SEC31A: variants seen among roughly 807,000 people sequenced by gnomAD.
SEC31A encodes protein transport protein Sec31A.
Under a neutral mutation model 151.0 loss-of-function variants are expected in SEC31A, and 70 were observed. That is an observed-to-expected ratio of 0.46 (90% CI 0.38 to 0.57). The LOEUF (loss-of-function observed/expected upper bound fraction) is 0.57, where lower values mean the gene tolerates loss of function less well. Among genes scored for constraint, SEC31A ranks in the 20% least tolerant of loss-of-function variants. SEC31A has a pLI of 0.00. For missense variants in SEC31A, 1,330 were observed against 1,471.2 expected (o/e 0.90, Z 1.57); for synonymous variants, 475 against 505.9 (o/e 0.94, Z 0.82).
At chr4:82,871,366 A>C in intron 7 of SEC31A, 1 of 1,523,408 alleles carries the variant, frequency 6.6e-7, no homozygotes. Flanking sequence ...AAAATGTTTT[A>C]CCTATGGATG....
rs149546168 is a variant in SEC31A, at chr4:82,856,979, G to A, written c.1854C>T (p.Phe618=). Reference sequence around the variant, plus strand: ...TGGTAATTTTGCTTTGGGATTTTGCGAAGTATTTTTTCTGGGTTCGAGCCA... The same window carrying A: ...TGGTAATTTTGCTTTGGGATTTTGCAAAGTATTTTTTCTGGGTTCGAGCCA... ...ELLARTQKKY[F]AKSQSKITRL... is the part of the protein sequence containing the mutation. The change falls in exon 16 of 27, where the codon TTC becomes TTT. Residue 618 remains phenylalanine, a synonymous_variant. Coordinates refer to ENST00000395310, the MANE Select transcript of SEC31A (RefSeq NM_001077207.4). The A allele has an allele frequency of 4.3e-5, 69 of 1,607,926 alleles. No individual in the cohort carries two copies. Among genetic ancestry groups the A allele is most frequent in the African/African-American group, 1.1e-4 (8 of 74,516 alleles).
At chr4:82,849,180 G>A (rs111692015) in intron 19 of SEC31A, among the ~76,000 whole-genome samples, 1 of 152,270 alleles carries the variant, frequency 6.6e-6, no homozygotes, top group African/African-American at 2.4e-5. Context: ...GACATACAGT[G>A]CAACTTGTAA....
chr4:82,864,605 AAG>A lies in SEC31A; in HGVS notation c.1198-9_1198-8del. 1.2e-6 allele frequency: 2 copies of A among 1,612,122 alleles called. No homozygotes were observed. The highest frequency in any genetic ancestry group is 1.7e-5 in the Admixed American group (1 of 60,000). ...TAACCAGTTTGCCTCCAAACTATAAAAGAGAGAATGAACAAACTCAGTGTTAA... is the reference window on the plus strand; with the variant it reads ...TAACCAGTTTGCCTCCAAACTATAAAAGAGAATGAACAAACTCAGTGTTAA... On this transcript the variant is annotated splice_region_variant and splice_polypyrimidine_tract_variant and intron_variant, in intron 10 of 26. Transcript: ENST00000395310.
rs969346277 is a variant in SEC31A, at chr4:82,874,336, C to T, written c.639+275G>A. ...AAAAAGTTGCTGCAATGTTTTAAAA[C>T]AGCTAGCAAAGCAAAACCACCAGTA... is the stretch of plus-strand genomic sequence containing the variant. On this transcript the variant is annotated intron_variant, in intron 6 of 26. Transcript: ENST00000395310. 4.2e-4 allele frequency among the ~76,000 whole-genome samples: 63 copies of T among 151,594 alleles called. 1 individual carries two copies. Among genetic ancestry groups the T allele is most frequent in the African/African-American group, 1.5e-3 (62 of 41,292 alleles).
At chr4:82,819,895 A>G (rs1348357238) in intron 26 of SEC31A, among the ~76,000 whole-genome samples, 2 of 151,822 alleles carry the variant, frequency 1.3e-5, no homozygotes, top group East Asian at 3.9e-4. Context: ...CTGAGTAGCT[A>G]GGACTACAGC....
At chr4:82,855,463 C>G (rs114139319) in intron 16 of SEC31A, among the ~76,000 whole-genome samples, 3 of 152,168 alleles carry the variant, frequency 2.0e-5, no homozygotes, top group African/African-American at 7.2e-5. Context: ...GGAGGAACTA[C>G]AAGGCAGCCA....
At chr4:82,885,415 G>A (rs776903966) in intron 1 of SEC31A, among the ~76,000 whole-genome samples, 123 of 151,948 alleles carry the variant, frequency 8.1e-4, no homozygotes, top group Non-Finnish European at 1.6e-3. Context: ...ATTATAATAT[G>A]TGTTTCTGAT....
At chr4:82,844,309 T>C (rs1344592765) in intron 21 of SEC31A, 77 bp downstream of exon 21, 1 of 1,463,358 alleles carries the variant, frequency 6.8e-7, no homozygotes, top group Non-Finnish European at 9.5e-7. Context: ...TGACAATGAC[T>C]TTGGGGCTTC....
Position 82,856,814 on chromosome 4 carries a change from A to G in SEC31A, c.1881+138T>C, listed in dbSNP as rs1345258637. On this transcript the variant is annotated intron_variant, in intron 16 of 26. Transcript: ENST00000395310. The stretch of plus-strand genomic sequence containing the variant: ...TAATCATGCCAAAATGCCAACAACT[A>G]TTTCCAGGTCAAGGAATTATGAATG... 6 of 716,378 alleles carry G rather than the reference A, an allele frequency of 8.4e-6. No homozygotes were observed. The African/African-American group carries it at 1.1e-4, about 13-fold the overall frequency. The allele number at this position is 716,378 out of a possible 1,614,324, so 44.4% of individuals were successfully genotyped here.
At chr4:82,891,528 T>C (rs1354658785), upstream of SEC31A, among the ~76,000 whole-genome samples, 3 of 152,204 alleles carry the variant, frequency 2.0e-5, no homozygotes, top group Non-Finnish European at 4.4e-5. Flanking sequence ...CTGTGAGGCG[T>C]CGGCAGCCCC....
At chr4:82,871,221 T>C (rs749077435) in intron 7 of SEC31A, 14 of 1,023,538 alleles carry the variant, frequency 1.4e-5, no homozygotes, top group Non-Finnish European at 2.7e-6. Flanking sequence ...CTTACCATTA[T>C]ATGGTATTCA....
At chr4:82,884,485 A>G (rs72921060) in intron 1 of SEC31A, among the ~76,000 whole-genome samples, 3,259 of 152,260 alleles carry the variant, frequency 0.021, 126 homozygotes, top group African/African-American at 0.074. Flanking sequence ...TCCCAACCAC[A>G]TAACCTTTCT....
At position 82,857,849 on chromosome 4, in the gene SEC31A, C is replaced by T. The variant is rs1578257238; in HGVS notation, c.1627-85G>A. The T allele has an allele frequency of 3.6e-6, 3 of 823,566 alleles. No individual in the cohort carries two copies. The East Asian group carries it at 7.6e-5, about 21-fold the overall frequency. 51.0% of individuals were successfully genotyped at this position (823,566 alleles called of 1,614,324 possible). A position where few individuals can be genotyped will look rare whatever the true frequency, so the allele number is the denominator to read the frequency against. On this transcript the variant is annotated intron_variant, in intron 14 of 26. Coordinates refer to ENST00000395310, the MANE Select transcript of SEC31A (RefSeq NM_001077207.4). ...CAAAAAAAATTTACACATGATTCTT[C>T]ATCTACAGAGTAGATGACATACCAA...
At position 82,891,148 on chromosome 4, in the gene SEC31A, G is replaced by A. The variant is rs1719679423; in HGVS notation, c.-65C>T. 1.3e-6 allele frequency: 2 copies of A among 1,535,694 alleles called. No homozygotes were observed. The highest frequency in any genetic ancestry group is 2.0e-5 in the Admixed American group (1 of 50,976). The stretch of plus-strand genomic sequence containing the variant: ...GTGCAGCGCTCGTCGGACTCTCCCA[G>A]CATTCGCCGCCGCCCCTCCTCCCCG... On this transcript the variant is annotated 5_prime_UTR_variant, in exon 1 of 27. Coordinates refer to ENST00000395310, the MANE Select transcript of SEC31A (RefSeq NM_001077207.4).
intron 25 of SEC31A, chr4:82,821,420 C>T (rs931379139): frequency 1.7e-5 from 4 of 229,028 alleles, no homozygotes; most frequent in Admixed American, 5.5e-5. Flanking sequence ...TAGTGGCAGG[C>T]GCCTGTAATC....
chr4:82,829,231 A>G (rs1425252352), intron 22 of SEC31A, 173 bp from the exon 23 acceptor site: 2 of 565,138 alleles, frequency 3.5e-6, no homozygotes, highest in East Asian at 5.6e-5. Flanking sequence ...TCACACTCAC[A>G]TCTCTTAATA....
chr4:82,900,479 G>A (rs1172425791), exon 1 of SEC31A: 6 of 344,068 alleles, frequency 1.7e-5, no homozygotes, highest in Non-Finnish European at 5.4e-6. Flanking sequence ...GCCAGATTGT[G>A]CCAGAATGGG....
At chr4:82,863,217 T>C in intron 12 of SEC31A, 101 bp downstream of exon 12, 1 of 714,600 alleles carries the variant, frequency 1.4e-6, no homozygotes, top group South Asian at 1.9e-5. Flanking sequence ...CAAATTATTA[T>C]TAAATGTTTA....
upstream of SEC31A, among the ~76,000 whole-genome samples, chr4:82,892,281 A>G (rs1416583132): frequency 6.6e-6 from 1 of 152,238 alleles, no homozygotes; most frequent in East Asian, 1.9e-4. Flanking sequence ...TTTGTTTTTG[A>G]TTAGTCTTCA....
Sources: gnomAD v4.1 joint callset for allele counts (sites outside exome capture counted in the v4.1 genomes callset) on GRCh38, gnomAD v4.1.1 for gene constraint, MANE v1.5 for transcripts, NCBI Gene and HGNC (gene_info 2026-07-23, HGNC 2026-07-21) for gene names.